RPS6: variants seen among roughly 807,000 people sequenced by gnomAD.
RPS6 encodes small ribosomal subunit protein eS6.
Under a neutral mutation model 27.1 loss-of-function variants are expected in RPS6, and 1 was observed. The observed-to-expected ratio is 0.04, with a 90% CI of 0.01 to 0.18. The LOEUF (loss-of-function observed/expected upper bound fraction) is 0.18. Among genes scored for constraint, RPS6 ranks in the 10% least tolerant of loss-of-function variants. The pLI, the probability that RPS6 is intolerant of heterozygous loss-of-function variation, is 1.00. For missense variants in RPS6, 259 were observed against 319.1 expected (o/e 0.81, Z 1.44); for synonymous variants, 152 against 106.0 (o/e 1.43, Z -2.66).
In RPS6 at chr9:19,376,201, T is replaced by A. The variant is rs1390868355; in HGVS notation, c.*92A>T. ...ATATCCCCATTTTCTATGACCTAAC[T>A]TTCCCTCTCTTCATTTATGTAGTTT... On this transcript the variant is annotated 3_prime_UTR_variant, in exon 6 of 6. Coordinates refer to ENST00000380394, the MANE Select transcript of RPS6 (RefSeq NM_001010.3). 14 of 1,118,442 alleles carry A rather than the reference T, an allele frequency of 1.3e-5. No individual in the cohort carries two copies. Among genetic ancestry groups the A allele is most frequent in the Non-Finnish European group, 1.7e-5 (13 of 763,734 alleles). 69.3% of individuals were successfully genotyped at this position (1,118,442 alleles called of 1,614,324 possible). A position where few individuals can be genotyped will look rare whatever the true frequency, so the allele number is the denominator to read the frequency against.
In RPS6 at chr9:19,378,907, G is replaced by A; in HGVS notation, c.150C>T (p.Val50=). ...ALGEEWKGYV[V]RISGGNDKQG... is the part of the protein sequence containing the mutation. ...GTTTGTCGTTCCCACCACTGATTCG[G>A]ACCACATAACCCTGCAAGAGCATAC... Residue 50 remains valine, a synonymous_variant, in exon 3 of 6, where the codon GTC becomes GTT. Transcript: ENST00000380394. The A allele has an allele frequency of 6.2e-7, 1 of 1,614,072 alleles. No individual in the cohort carries two copies.
intron 1 of RPS6, 116 bp from the exon 2 acceptor site, chr9:19,379,734 G>A (rs1050202904): frequency 2.9e-5 from 43 of 1,506,520 alleles, no homozygotes; most frequent in Non-Finnish European, 7.0e-6. Context: ...CACACAAGCA[G>A]GAAATATAAG....
At chr9:19,376,734 A>G (rs1829594684) in intron 4 of RPS6, 83 bp from the exon 5 acceptor site, 1 of 1,368,486 alleles carries the variant, frequency 7.3e-7, no homozygotes, top group African/African-American at 1.5e-5. Flanking sequence ...AAATAAACGT[A>G]AGCTTAACAG....
chr9:19,378,158 G>GA (rs1829621332), intron 4 of RPS6, among the ~76,000 whole-genome samples: 1 of 152,260 alleles, frequency 6.6e-6, no homozygotes, highest in African/African-American at 2.4e-5. Context: ...GATTTTCAAC[G>GA]AAATTACTGC....
chr9:19,379,613 G>A lies in RPS6; in HGVS notation c.12C>T (p.Asn4=). ...GGCAGCCAGTGGCTGGGAAGGAGAT[G>A]TTCAGCTAAGGATTAAAAGGGGGGA... The part of the protein sequence containing the change: MKL[N]ISFPATGCQK... Residue 4 remains asparagine (N), a synonymous_variant, in exon 2 of 6, where the codon AAC becomes AAT. Transcript: ENST00000380394. The A allele has an allele frequency of 6.2e-7, 1 of 1,613,382 alleles. No individual in the cohort carries two copies. Among genetic ancestry groups the A allele is most frequent in the South Asian group, 1.1e-5 (1 of 91,020 alleles).
At position 19,376,296 on chromosome 9, in the gene RPS6, T is replaced by C. The variant is rs1829586431; in HGVS notation, c.747A>G (p.Lys249=). 6.2e-6 allele frequency: 10 copies of C among 1,609,576 alleles called. No homozygotes were observed. Among genetic ancestry groups the C allele is most frequent in the Non-Finnish European group, 8.5e-6 (10 of 1,178,534 alleles). Residue 249 remains lysine, a synonymous_variant, in exon 6 of 6, where the codon AAA becomes AAG. Coordinates refer to ENST00000380394, the MANE Select transcript of RPS6 (RefSeq NM_001010.3). ...ASTSKSESSQ[K] ...TTTATTTGTTACTCAAAAAATCTTATTTCTGACTGGATTCAGACTTAGAAG... is the reference window on the plus strand; with the variant it reads ...TTTATTTGTTACTCAAAAAATCTTACTTCTGACTGGATTCAGACTTAGAAG...
rs1829579014 is a variant in RPS6 at position 19,376,107 on chromosome 9, A to G, written c.*186T>C. 1.7e-6 allele frequency: 1 copy of G among 575,514 alleles called. No individual in the cohort carries two copies. Among genetic ancestry groups the G allele is most frequent in the Admixed American group, 3.3e-5 (1 of 30,444 alleles). The allele number at this position is 575,514 out of a possible 1,614,324, so 35.7% of individuals were successfully genotyped here. On this transcript the variant is annotated 3_prime_UTR_variant, in exon 6 of 6. Transcript: ENST00000380394. ...CATCCCCTGAAAGGAACCCCTGTAC[A>G]CTGACCTTGTCTTCCACTACCACAC...
In RPS6 at chr9:19,379,507, C is replaced by T. The variant is rs138981947; in HGVS notation, c.118G>A (p.Ala40Thr). 3 of 1,614,142 alleles carry T rather than the reference C, an allele frequency of 1.9e-6. No homozygotes were observed. The highest frequency in any genetic ancestry group is 1.3e-5 in the African/African-American group (1 of 75,026). ...KRMATEVAAD[A>T]LGEEWKGYVV... Reference sequence around the variant, plus strand: ...TTTACCTTCCATTCTTCACCCAGAGCGTCAGCAGCAACTTCTGTGGCCATA... The same window carrying T: ...TTTACCTTCCATTCTTCACCCAGAGTGTCAGCAGCAACTTCTGTGGCCATA... The change falls in exon 2 of 6, where the codon GCT becomes ACT. Residue 40 changes from alanine to threonine, a missense_variant. Around this residue, in one of 3 missense-constraint regions of RPS6, gnomAD observed 65 missense variants for 66.6 expected, o/e 0.98. Coordinates refer to ENST00000380394, the MANE Select transcript of RPS6 (RefSeq NM_001010.3).
At chr9:19,376,944 CTG>C (rs755380855) in intron 4 of RPS6, 53 of 245,148 alleles carry the variant, frequency 2.2e-4, no homozygotes, top group Non-Finnish European at 2.8e-4. Context: ...TAATATATAA[CTG>C]TGCATAGTTA....
chr9:19,376,113 C>G lies in RPS6; in HGVS notation c.*180G>C. The G allele has an allele frequency of 3.4e-6, 2 of 588,670 alleles. No homozygotes were observed. The highest frequency in any genetic ancestry group is 4.3e-5 in the South Asian group (2 of 46,098). The allele number at this position is 588,670 out of a possible 1,614,324, so 36.5% of individuals were successfully genotyped here. A position where few individuals can be genotyped will look rare whatever the true frequency, so the allele number is the denominator to read the frequency against. On this transcript the variant is annotated 3_prime_UTR_variant, in exon 6 of 6. Transcript: ENST00000380394. ...CTGAAAGGAACCCCTGTACACTGACCTTGTCTTCCACTACCACACACAATA... is the reference window on the plus strand; with the variant it reads ...CTGAAAGGAACCCCTGTACACTGACGTTGTCTTCCACTACCACACACAATA...
intron 4 of RPS6, chr9:19,376,946 G>A: frequency 4.3e-6 from 1 of 230,380 alleles, no homozygotes; most frequent in Non-Finnish European, 8.5e-6. Flanking sequence ...ATATATAACT[G>A]TGCATAGTTA....
intron 1 of RPS6, 39 bp from the exon 2 acceptor site, chr9:19,379,657 C>T: frequency 6.3e-7 from 1 of 1,587,480 alleles, no homozygotes; most frequent in Non-Finnish European, 8.6e-7. Context: ...ACGAAACTAT[C>T]TATACAGGTA....
chr9:19,376,118 C>A lies in RPS6; in HGVS notation c.*175G>T. The A allele has an allele frequency of 1.7e-6, 1 of 600,194 alleles. No individual in the cohort carries two copies. Among genetic ancestry groups the A allele is most frequent in the Non-Finnish European group, 2.9e-6 (1 of 348,420 alleles). 37.2% of individuals were successfully genotyped at this position (600,194 alleles called of 1,614,324 possible). On this transcript the variant is annotated 3_prime_UTR_variant, in exon 6 of 6. Coordinates refer to ENST00000380394, the MANE Select transcript of RPS6 (RefSeq NM_001010.3). ...AGGAACCCCTGTACACTGACCTTGTCTTCCACTACCACACACAATAGGTCT... is the reference window on the plus strand; with the variant it reads ...AGGAACCCCTGTACACTGACCTTGTATTCCACTACCACACACAATAGGTCT...
intron 1 of RPS6, chr9:19,379,908 G>C: frequency 7.0e-7 from 1 of 1,424,512 alleles, no homozygotes; most frequent in Non-Finnish European, 9.1e-7. Flanking sequence ...GTCAAGAGCC[G>C]CACCACAGGC....
intron 2 of RPS6, 88 bp downstream of exon 2, chr9:19,379,399 C>A: frequency 1.9e-6 from 3 of 1,575,626 alleles, no homozygotes; most frequent in Non-Finnish European, 2.6e-6. Context: ...AGCCAGAACC[C>A]GGAGTCTGAA....
chr9:19,380,198 T>C lies in RPS6; in HGVS notation c.-3A>G, dbSNP rs773862636. ...TCGCCACCATCACCTACCTTCATCT[T>C]GAAGCAGCTGAACGCCTCCGAGGCG... is the stretch of plus-strand genomic sequence containing the variant. On this transcript the variant is annotated 5_prime_UTR_variant, in exon 1 of 6. Transcript: ENST00000380394. The C allele has an allele frequency of 8.7e-6, 14 of 1,613,234 alleles. No homozygotes were observed. Among genetic ancestry groups the C allele is most frequent in the South Asian group, 4.4e-5 (4 of 91,088 alleles).
Position 19,379,548 on chromosome 9 carries a change from G to A in RPS6, c.77C>T (p.Thr26Ile). The change falls in exon 2 of 6, where the codon ACT becomes ATT. Residue 26 changes from threonine to isoleucine, a missense_variant. Thr to Ile is a moderately conservative substitution (Grantham distance 89, BLOSUM62 -1). This residue lies in a region of RPS6 where 65 missense variants were observed against 66.6 expected (regional missense o/e 0.98). Coordinates refer to ENST00000380394, the MANE Select transcript of RPS6 (RefSeq NM_001010.3). Reference protein sequence around the residue: ...IEVDDERKLRTFYEKRMATEV... With the variant: ...IEVDDERKLRIFYEKRMATEV... ...TGTGGCCATACGCTTCTCATAGAAA[G>A]TACGAAGTTTGCGTTCATCGTCCAC... 1.9e-6 allele frequency: 3 copies of A among 1,614,198 alleles called. No individual in the cohort carries two copies. The highest frequency in any genetic ancestry group is 2.5e-6 in the Non-Finnish European group (3 of 1,180,042).
At chr9:19,379,852 G>A (rs1829650034) in intron 1 of RPS6, 2 of 1,424,018 alleles carry the variant, frequency 1.4e-6, no homozygotes, top group Non-Finnish European at 1.8e-6. Context: ...CTCTGGGGGC[G>A]AGGGCACTCC....
intron 4 of RPS6, 34 bp downstream of exon 4, chr9:19,378,334 A>G: frequency 6.2e-7 from 1 of 1,605,630 alleles, no homozygotes; most frequent in Non-Finnish European, 8.5e-7. Context: ...AATTACCAAA[A>G]TTAAGCAAGC....
Sources: allele counts gnomAD v4.1 joint callset (sites outside exome capture counted in the v4.1 genomes callset), GRCh38; gene constraint gnomAD v4.1.1; regional missense constraint gnomAD v4.1.1; transcripts MANE v1.5; gene names NCBI Gene and HGNC (gene_info 2026-07-23, HGNC 2026-07-21).